The following FGF13 variants were observed in gnomAD, a reference collection of about 807,000 sequenced individuals.
FGF13 encodes the protein fibroblast growth factor homologous factor 2.
A neutral mutation model predicts 19.5 loss-of-function variants in FGF13; 2 were observed. The ratio of observed to expected loss-of-function variants is 0.10; its 90% CI spans 0.04 to 0.32. The LOEUF (loss-of-function observed/expected upper bound fraction) is 0.32, where lower values mean the gene tolerates loss of function less well. Among genes scored for constraint, FGF13 ranks in the 10% least tolerant of loss-of-function variants. The pLI is 1.00. For missense variants in FGF13, 113 were observed against 192.7 expected (o/e 0.59, Z 2.45); for synonymous variants, 72 against 76.9 (o/e 0.94, Z 0.33).
chrX:139,031,398 G>C (rs1384803601), intron 1 of FGF13, among the ~76,000 whole-genome samples: 2 of 110,844 alleles, frequency 1.8e-5, no homozygotes, highest in Admixed American at 1.9e-4. Flanking sequence ...AAGGCAGATT[G>C]TATTTTCTGT....
intron 3 of FGF13, among the ~76,000 whole-genome samples, chrX:138,667,454 CAG>C (rs2089562345): frequency 9.1e-6 from 1 of 110,265 alleles, no homozygotes; most frequent in African/African-American, 3.3e-5. Context: ...CATTGGTAAA[CAG>C]AAAATAAACA....
At chrX:138,908,269 G>A (rs901635607) in intron 1 of FGF13, among the ~76,000 whole-genome samples, 37 of 107,838 alleles carry the variant, frequency 3.4e-4, no homozygotes, top group Non-Finnish European at 6.5e-4. Context: ...TAGTAGAAAC[G>A]GGGTTTCACC....
chrX:138,828,364 C>T (rs1228934354), intron 3 of FGF13, among the ~76,000 whole-genome samples: 1 of 109,724 alleles, frequency 9.1e-6, no homozygotes, highest in East Asian at 2.9e-4. Context: ...GTCAGGAGAT[C>T]GAGACCATCC....
chrX:138,646,118 A>G (rs774730202), intron 3 of FGF13, among the ~76,000 whole-genome samples: 1 of 112,511 alleles, frequency 8.9e-6, no homozygotes, highest in South Asian at 3.7e-4. Flanking sequence ...CTACATTTAA[A>G]GTTTTCTACA....
intron 1 of FGF13, among the ~76,000 whole-genome samples, chrX:138,868,232 T>C (rs1423740801): frequency 9.0e-6 from 1 of 111,463 alleles, no homozygotes; most frequent in East Asian, 2.8e-4. Context: ...ACATATCGAT[T>C]CCAGGCATTG....
chrX:138,637,092 G>C (rs1352823922), intron 3 of FGF13, among the ~76,000 whole-genome samples: 2 of 111,686 alleles, frequency 1.8e-5, no homozygotes, highest in African/African-American at 6.5e-5. Flanking sequence ...GTATCTTTTG[G>C]GGTTATTTCA....
intron 1 of FGF13, among the ~76,000 whole-genome samples, chrX:138,974,439 A>T (rs2091931839): frequency 9.0e-6 from 1 of 111,444 alleles, no homozygotes. Flanking sequence ...GCCTACAAGG[A>T]TCCCCTGACC....
chrX:139,175,222 C>T (rs1255660805), intron 1 of FGF13, among the ~76,000 whole-genome samples: 1 of 111,509 alleles, frequency 9.0e-6, no homozygotes, highest in African/African-American at 3.3e-5. Context: ...TATAGGAATG[C>T]TTGTGATTTT....
At chrX:138,673,020 G>A (rs1490199066) in intron 3 of FGF13, among the ~76,000 whole-genome samples, 1 of 111,280 alleles carries the variant, frequency 9.0e-6, no homozygotes, top group Non-Finnish European at 1.9e-5. Context: ...GAAGGTGGAG[G>A]TAACTGGTGA....
intron 3 of FGF13, among the ~76,000 whole-genome samples, chrX:138,812,861 G>A (rs1181852052): frequency 9.1e-6 from 1 of 110,125 alleles, no homozygotes; most frequent in Non-Finnish European, 1.9e-5. Context: ...ACCCCACCCT[G>A]TAACAGGCCC....
At chrX:138,814,045 T>C (rs2090944332) in intron 3 of FGF13, among the ~76,000 whole-genome samples, 1 of 107,552 alleles carries the variant, frequency 9.3e-6, no homozygotes, top group Non-Finnish European at 1.9e-5. Flanking sequence ...CAAAACTATA[T>C]TTTTCTTAAT....
intron 1 of FGF13, among the ~76,000 whole-genome samples, chrX:139,011,367 A>AC (rs2092127705): frequency 1.2e-5 from 1 of 85,982 alleles, no homozygotes; most frequent in African/African-American, 4.5e-5. Flanking sequence ...CAAACAAAAA[A>AC]AAAAAAAAAA....
In FGF13 at chrX:138,770,578, C is replaced by T. The variant is rs191339414; in HGVS notation, c.218-61650G>A. ...AGCTTTCTGTCCTCTGTGCTCTCAT[C>T]GTGTCCTATGCACACCTACTATCGT... is the stretch of plus-strand genomic sequence containing the variant. On this transcript the variant is annotated intron_variant, in intron 3 of 6. Coordinates refer to the FGF13 transcript ENST00000436198. Among the ~76,000 whole-genome samples, 11 of 111,358 alleles carry T rather than the reference C, an allele frequency of 9.9e-5. No homozygotes were observed. In the Admixed American group the frequency reaches 1.1e-3, roughly 11 times the overall value.
At chrX:138,660,494 G>C (rs911224701) in intron 3 of FGF13, among the ~76,000 whole-genome samples, 1 of 111,578 alleles carries the variant, frequency 9.0e-6, no homozygotes, top group African/African-American at 3.3e-5. Context: ...GTACATAGCA[G>C]GTGTATATAT....
At chrX:138,652,315 G>A (rs183061783) in intron 3 of FGF13, among the ~76,000 whole-genome samples, 6 of 111,071 alleles carry the variant, frequency 5.4e-5, no homozygotes, top group African/African-American at 6.6e-5. Flanking sequence ...TTATCTCTCC[G>A]CACTCTCTAC....
chrX:138,915,405 T>C (rs1409210964), intron 1 of FGF13, among the ~76,000 whole-genome samples: 1 of 111,965 alleles, frequency 8.9e-6, no homozygotes, highest in Non-Finnish European at 1.9e-5. Context: ...TCTTGCTAAC[T>C]GCTTGCTTGA....
At chrX:138,942,428 CA>C (rs1298985620) in intron 1 of FGF13, among the ~76,000 whole-genome samples, 2 of 111,991 alleles carry the variant, frequency 1.8e-5, no homozygotes, top group African/African-American at 6.5e-5. Flanking sequence ...AACAATTTGG[CA>C]AAGAAAGGGA....
intron 1 of FGF13, among the ~76,000 whole-genome samples, chrX:139,127,434 T>A (rs1218205891): frequency 4.5e-5 from 5 of 111,889 alleles, no homozygotes; most frequent in African/African-American, 1.6e-4. Flanking sequence ...CGGATTAGTG[T>A]GTCTCAAAGG....
intron 1 of FGF13, among the ~76,000 whole-genome samples, chrX:138,892,000 A>ATGTGTGTGTGTGTGTGTGTGTGTG (rs200883636): frequency 1.3e-4 from 6 of 46,918 alleles, no homozygotes; most frequent in African/African-American, 4.4e-4. Flanking sequence ...CTATATATAC[A>ATGTGTGTGTGTGTGTGTGTGTGTG]TATGTGTGTG....
Sources: gnomAD v4.1 joint callset for allele counts (sites outside exome capture counted in the v4.1 genomes callset) on GRCh38, gnomAD v4.1.1 for gene constraint, MANE v1.5 for transcripts, NCBI Gene and HGNC (gene_info 2026-07-23, HGNC 2026-07-21) for gene names.